SATL1: variants seen among roughly 807,000 people sequenced by gnomAD.
SATL1 encodes spermidine/spermine N1-acetyl transferase like 1.
SATL1 carries 47 observed loss-of-function variants against 51.8 expected under a neutral mutation model. That is an observed-to-expected ratio of 0.91 (90% CI 0.72 to 1.16). SATL1 has a LOEUF of 1.16. Ranked by LOEUF, SATL1 falls within the 50% of genes most tolerant of loss-of-function variation. The pLI is 0.00. For missense variants in SATL1, 520 were observed against 526.4 expected (o/e 0.99, Z 0.12); for synonymous variants, 176 against 182.4 (o/e 0.97, Z 0.28).
intron 1 of SATL1, among the ~76,000 whole-genome samples, chrX:85,227,920 G>A (rs1225041669): frequency 3.6e-5 from 4 of 110,967 alleles, no homozygotes; most frequent in Non-Finnish European, 7.6e-5. Flanking sequence ...ATCTTTTAGA[G>A]GCATATAATA....
chrX:85,102,720 G>A (rs1021073503), intron 4 of SATL1, among the ~76,000 whole-genome samples: 1 of 111,440 alleles, frequency 9.0e-6, no homozygotes. Context: ...TAGTGTAGGG[G>A]CATTATCTCA....
At chrX:85,163,932 G>C (rs73627326) in intron 2 of SATL1, among the ~76,000 whole-genome samples, 2,087 of 111,601 alleles carry the variant, frequency 0.019, 45 homozygotes, top group African/African-American at 0.064. Flanking sequence ...TTATAAATCT[G>C]GGACCTCCAG....
At chrX:85,232,125 T>C (rs973169076) in intron 1 of SATL1, among the ~76,000 whole-genome samples, 2 of 108,899 alleles carry the variant, frequency 1.8e-5, no homozygotes, top group African/African-American at 3.3e-5. Flanking sequence ...CTGAGCCAAG[T>C]TGTGAGGCCC....
At chrX:85,218,870 A>G (rs995028932) in intron 2 of SATL1, among the ~76,000 whole-genome samples, 3 of 112,333 alleles carry the variant, frequency 2.7e-5, no homozygotes, top group Admixed American at 9.4e-5. Context: ...GTTATTTGAA[A>G]GCAGCCAGGA....
intron 2 of SATL1, among the ~76,000 whole-genome samples, chrX:85,133,827 T>C (rs772042704): frequency 2.2e-4 from 25 of 112,444 alleles, no homozygotes; most frequent in Non-Finnish European, 4.1e-4. Context: ...TGCCTTATAT[T>C]GCCACTTAGA....
At chrX:85,227,720 T>C (rs775869451) in intron 1 of SATL1, among the ~76,000 whole-genome samples, 13 of 111,520 alleles carry the variant, frequency 1.2e-4, no homozygotes, top group African/African-American at 3.6e-4. Context: ...GAAAAGAGCA[T>C]CTATAGATTA....
intron 1 of SATL1, among the ~76,000 whole-genome samples, chrX:85,235,574 G>A (rs1408766481): frequency 9.0e-6 from 1 of 111,212 alleles, no homozygotes; most frequent in African/African-American, 3.2e-5. Context: ...GAAACAACAT[G>A]CTTCTGAATG....
intron 2 of SATL1, among the ~76,000 whole-genome samples, chrX:85,114,718 A>G (rs1260326748): frequency 8.9e-6 from 1 of 112,268 alleles, no homozygotes; most frequent in African/African-American, 3.2e-5. Context: ...CCAATAACAC[A>G]TTTATAGAAA....
chrX:85,140,538 C>A (rs182132185), intron 2 of SATL1, among the ~76,000 whole-genome samples: 6 of 112,016 alleles, frequency 5.4e-5, no homozygotes, highest in Non-Finnish European at 1.1e-4. Context: ...TATCCTAGTT[C>A]ATCTGGATGG....
At chrX:85,202,175 C>A (rs1300681114) in intron 2 of SATL1, among the ~76,000 whole-genome samples, 1 of 111,814 alleles carries the variant, frequency 8.9e-6, no homozygotes, top group African/African-American at 3.2e-5. Context: ...GATGGTATCT[C>A]TTTTAATTTA....
At chrX:85,237,266 C>G (rs1249753305) in intron 1 of SATL1, among the ~76,000 whole-genome samples, 1 of 111,086 alleles carries the variant, frequency 9.0e-6, no homozygotes, top group Non-Finnish European at 1.9e-5. Flanking sequence ...AAGAACAAAA[C>G]TGGAGGAATC....
chrX:85,198,053 T>G (rs1218424697), intron 2 of SATL1, among the ~76,000 whole-genome samples: 2 of 111,667 alleles, frequency 1.8e-5, no homozygotes, highest in Admixed American at 1.9e-4. Context: ...TTTTAATTTT[T>G]AGCTCCCACA....
At chrX:85,132,147 G>A (rs1358453334) in intron 2 of SATL1, among the ~76,000 whole-genome samples, 3 of 111,105 alleles carry the variant, frequency 2.7e-5, no homozygotes, top group Non-Finnish European at 3.8e-5. Context: ...TCTTCTTGAG[G>A]TGTATCTTTG....
chrX:85,095,059 A>C, intron 4 of SATL1, 63 bp from the exon 5 acceptor site: 1 of 616,227 alleles, frequency 1.6e-6, no homozygotes. Flanking sequence ...GAGATGGTGG[A>C]TAGGAAGCAC....
chrX:85,231,095 A>G (rs1928373154), intron 1 of SATL1, among the ~76,000 whole-genome samples: 1 of 112,031 alleles, frequency 8.9e-6, no homozygotes, highest in Non-Finnish European at 1.9e-5. Flanking sequence ...TGAAAGAGAT[A>G]CCTGCACTCC....
intron 2 of SATL1, among the ~76,000 whole-genome samples, chrX:85,146,333 T>C (rs1302250123): frequency 8.9e-6 from 1 of 111,888 alleles, no homozygotes. Context: ...ATTAAGAGTA[T>C]AATTAGATTA....
intron 2 of SATL1, among the ~76,000 whole-genome samples, chrX:85,146,345 T>G (rs1339599576): frequency 1.8e-5 from 2 of 111,996 alleles, no homozygotes; most frequent in African/African-American, 6.5e-5. Flanking sequence ...ATTAGATTAT[T>G]GGTAACACAA....
At chrX:85,227,361 C>T (rs1387580189) in intron 1 of SATL1, among the ~76,000 whole-genome samples, 1 of 111,963 alleles carries the variant, frequency 8.9e-6, no homozygotes, top group East Asian at 2.8e-4. Flanking sequence ...AAAAGTATAA[C>T]TTAAAAGAAG....
intron 2 of SATL1, chrX:85,154,037 T>C (rs761112145): frequency 1.1e-4 from 12 of 112,030 alleles, no homozygotes; most frequent in African/African-American, 3.9e-4. Flanking sequence ...CTCTTCCACA[T>C]TCATCAACAT....
Sources: allele counts gnomAD v4.1 joint callset (sites outside exome capture counted in the v4.1 genomes callset), GRCh38; gene constraint gnomAD v4.1.1; transcripts MANE v1.5; gene names NCBI Gene and HGNC (gene_info 2026-07-23, HGNC 2026-07-21).